The following ULBP2 variants were observed in gnomAD, a reference collection of about 807,000 sequenced individuals.
ULBP2 encodes UL16 binding protein 2, also known as UL16-binding protein 2.
ULBP2 carries 21 observed loss-of-function variants against 23.6 expected under a neutral mutation model. That is an observed-to-expected ratio of 0.89 (90% CI 0.63 to 1.28). The LOEUF is 1.28. ULBP2 is among the 50% of genes most tolerant of loss of function. The pLI is 0.00. For missense variants in ULBP2, 251 were observed against 306.0 expected (o/e 0.82, Z 1.34); for synonymous variants, 82 against 112.8 (o/e 0.73, Z 1.73).
rs1032283409 is a variant in ULBP2, at chr6:149,948,873, T to C, written c.*173T>C. 5.8e-4 allele frequency: 234 copies of C among 401,880 alleles called. No homozygotes were observed. Among genetic ancestry groups the C allele is most frequent in the African/African-American group, 4.6e-3 (223 of 48,174 alleles). The allele number at this position is 401,880 out of a possible 1,614,324, so 24.9% of individuals were successfully genotyped here. ...GGACCCAATAGCTCATTCACTGCCT[T>C]GATTCCTTTTGCCAACAATTTTACC... is the stretch of plus-strand genomic sequence containing the variant. On this transcript the variant is annotated 3_prime_UTR_variant, in exon 5 of 5. Coordinates refer to ENST00000367351, the MANE Select transcript of ULBP2 (RefSeq NM_025217.4).
Position 149,945,512 on chromosome 6 carries a change from G to A in ULBP2, c.289G>A (p.Val97Met). ...WKAQNPVLRE[V>M]VDILTEQLRD... Reference sequence around the variant, plus strand: ...AGCACAGAACCCAGTACTGAGAGAGGTGGTGGACATACTTACAGAGCAACT... The same window carrying A: ...AGCACAGAACCCAGTACTGAGAGAGATGGTGGACATACTTACAGAGCAACT... Residue 97 changes from valine (V) to methionine (M), a missense_variant, in exon 2 of 5, where the codon GTG (valine) becomes ATG (methionine). Val to Met is a conservative substitution (Grantham distance 21). Transcript: ENST00000367351. 1.9e-6 allele frequency: 3 copies of A among 1,614,058 alleles called. No homozygotes were observed. The highest frequency in any genetic ancestry group is 2.5e-6 in the Non-Finnish European group (3 of 1,179,884).
Position 149,942,190 on chromosome 6 carries a change from G to C in ULBP2, c.85+33G>C, listed in dbSNP as rs200868251. ...CGTGGATGGAGCCTAAGCCGGGCGG[G>C]GACCAAGCCTGGAGGGCTGTGAACT... On this transcript the variant is annotated intron_variant, in intron 1 of 4. Transcript: ENST00000367351. 2.5e-6 allele frequency: 4 copies of C among 1,605,572 alleles called. No individual in the cohort carries two copies. The East Asian group carries it at 9.0e-5, about 36-fold the overall frequency.
intron 3 of ULBP2, 70 bp downstream of exon 3, chr6:149,946,723 G>C: frequency 5.0e-6 from 8 of 1,594,166 alleles, no homozygotes; most frequent in Non-Finnish European, 6.8e-6. Context: ...GTTAGTTCTT[G>C]AGTTCAGCTT....
At chr6:149,945,774 C>T (rs1365444576) in intron 2 of ULBP2, among the ~76,000 whole-genome samples, 1 of 151,942 alleles carries the variant, frequency 6.6e-6, no homozygotes, top group East Asian at 1.9e-4. Context: ...AACACTGTCT[C>T]TACCAAAAAT....
In ULBP2 at chr6:149,946,478, C is replaced by T. The variant is rs1332921125; in HGVS notation, c.456C>T (p.Asp152=). The change falls in exon 3 of 5, where the codon GAC becomes GAT. Residue 152 remains aspartate (D), a synonymous_variant. Coordinates refer to ENST00000367351, the MANE Select transcript of ULBP2 (RefSeq NM_025217.4). ...SFDGQIFLLF[D]SEKRMWTTVH... Reference sequence around the variant, plus strand: ...ATGGGCAGATCTTCCTCCTCTTTGACTCAGAGAAGAGAATGTGGACAACGG... The same window carrying T: ...ATGGGCAGATCTTCCTCCTCTTTGATTCAGAGAAGAGAATGTGGACAACGG... The T allele has an allele frequency of 6.2e-7, 1 of 1,614,122 alleles. No individual in the cohort carries two copies. The highest frequency in any genetic ancestry group is 8.5e-7 in the Non-Finnish European group (1 of 1,180,040).
At chr6:149,944,079 G>T (rs1778901862) in intron 1 of ULBP2, among the ~76,000 whole-genome samples, 1 of 151,988 alleles carries the variant, frequency 6.6e-6, no homozygotes, top group Admixed American at 6.5e-5. Context: ...AGGCCACAAG[G>T]ACTCACTGTC....
rs746899733 is a variant in ULBP2 at position 149,946,594 on chromosome 6, T to C, written c.572T>C (p.Ile191Thr). The change falls in exon 3 of 5, where the codon ATA becomes ACA. Residue 191 changes from isoleucine (I) to threonine (T), a missense_variant. Around this residue, in one of 2 missense-constraint regions of ULBP2, gnomAD observed 248 missense variants for 258.9 expected, o/e 0.96. Coordinates refer to ENST00000367351, the MANE Select transcript of ULBP2 (RefSeq NM_025217.4). ...CATTACTTCTCAATGGGAGACTGTA[T>C]AGGATGGCTTGAGGACTTCTTGATG... The part of the protein sequence containing the change: ...SFHYFSMGDC[I>T]GWLEDFLMGM... 5 of 1,613,980 alleles carry C rather than the reference T, an allele frequency of 3.1e-6. No homozygotes were observed. The highest frequency in any genetic ancestry group is 1.7e-5 in the Admixed American group (1 of 60,002).
chr6:149,942,590 C>T (rs1488196832), intron 1 of ULBP2, among the ~76,000 whole-genome samples: 1 of 152,142 alleles, frequency 6.6e-6, no homozygotes, highest in Non-Finnish European at 1.5e-5. Context: ...CTCACCCGCT[C>T]TCCACCACAC....
Position 149,945,442 on chromosome 6 carries a change from T to A in ULBP2, c.219T>A (p.Pro73=), listed in dbSNP as rs1555697. The stretch of plus-strand genomic sequence containing the variant: ...ACTGTGGCAACAAGACAGTCACACC[T>A]GTCAGTCCCCTGGGGAAGAAACTAA... The part of the protein sequence containing the change: ...HYDCGNKTVT[P]VSPLGKKLNV... Residue 73 remains proline (P), a synonymous_variant, in exon 2 of 5, where the codon CCT becomes CCA. Coordinates refer to ENST00000367351, the MANE Select transcript of ULBP2 (RefSeq NM_025217.4). 4.5e-6 allele frequency: 7 copies of A among 1,545,334 alleles called. No homozygotes were observed. The East Asian group carries it at 1.6e-4, about 36-fold the overall frequency.
chr6:149,943,396 T>G (rs970397522), intron 1 of ULBP2, among the ~76,000 whole-genome samples: 18 of 152,144 alleles, frequency 1.2e-4, no homozygotes, highest in African/African-American at 4.1e-4. Flanking sequence ...TCCTTTGTGC[T>G]GAGTGGCATC....
At chr6:149,948,458 G>C (rs1289169846) in intron 4 of ULBP2, among the ~76,000 whole-genome samples, 2 of 152,094 alleles carry the variant, frequency 1.3e-5, no homozygotes, top group Non-Finnish European at 2.9e-5. Context: ...TTGAGTGAGG[G>C]CGCGGACCCA....
At position 149,946,621 on chromosome 6, in the gene ULBP2, G is replaced by T. The variant is rs375022570; in HGVS notation, c.599G>T (p.Gly200Val). The T allele has an allele frequency of 1.2e-6, 2 of 1,614,156 alleles. No individual in the cohort carries two copies. The highest frequency in any genetic ancestry group is 1.1e-5 in the South Asian group (1 of 91,082). ...CIGWLEDFLM[G>V]MDSTLEPSAG... Reference sequence around the variant, plus strand: ...GGATGGCTTGAGGACTTCTTGATGGGCATGGACAGCACCCTGGAGCCAAGT... The same window carrying T: ...GGATGGCTTGAGGACTTCTTGATGGTCATGGACAGCACCCTGGAGCCAAGT... Residue 200 changes from glycine (G) to valine (V), a missense_variant, in exon 3 of 5, where the codon GGC becomes GTC. Physicochemically the swap from Gly to Val is moderately radical, Grantham distance 109. Around this residue, in one of 2 missense-constraint regions of ULBP2, gnomAD observed 248 missense variants for 258.9 expected, o/e 0.96. Coordinates refer to ENST00000367351, the MANE Select transcript of ULBP2 (RefSeq NM_025217.4).
chr6:149,944,369 G>A (rs972842637), intron 1 of ULBP2, among the ~76,000 whole-genome samples: 11 of 151,162 alleles, frequency 7.3e-5, no homozygotes, highest in African/African-American at 2.7e-4. Flanking sequence ...TCCCCAGCTG[G>A]CATTGTGACT....
chr6:149,943,554 A>AC (rs1033377338), intron 1 of ULBP2, among the ~76,000 whole-genome samples: 1 of 152,018 alleles, frequency 6.6e-6, no homozygotes, highest in Non-Finnish European at 1.5e-5. Context: ...TCCCAGAAGA[A>AC]CCACCTGCGT....
At chr6:149,947,176 C>A (rs1473705307) in intron 3 of ULBP2, 144 bp from the exon 4 acceptor site, 2 of 1,483,268 alleles carry the variant, frequency 1.3e-6, no homozygotes, top group African/African-American at 1.4e-5. Context: ...TAAGCCAGGA[C>A]CTGTCATACT....
intron 1 of ULBP2, among the ~76,000 whole-genome samples, chr6:149,942,509 G>A (rs1778878635): frequency 6.6e-6 from 1 of 152,094 alleles, no homozygotes; most frequent in East Asian, 1.9e-4. Flanking sequence ...CTGGGGACAG[G>A]ACAGGGGTGA....
At chr6:149,948,084 C>G (rs79766123) in intron 4 of ULBP2, among the ~76,000 whole-genome samples, 1 of 138,100 alleles carries the variant, frequency 7.2e-6, no homozygotes, top group Non-Finnish European at 1.6e-5. Context: ...ATGTGCAGCT[C>G]GAGTCTGGGC....
chr6:149,945,744 CA>C lies in ULBP2; in HGVS notation c.349+173del, dbSNP rs67204145. On this transcript the variant is annotated intron_variant, in intron 2 of 4. Transcript: ENST00000367351. Reference sequence around the variant, plus strand: ...GATCACAAGGTCAGGAATTCGAGACCAGCCTGACCAACATGGTGAAACACTG... The same window carrying C: ...GATCACAAGGTCAGGAATTCGAGACCGCCTGACCAACATGGTGAAACACTG... Among the ~76,000 whole-genome samples the C allele has an allele frequency of 7.0e-3, 1,056 of 150,182 alleles. 8 individuals are homozygous for C. The highest frequency in any genetic ancestry group is 0.023 in the African/African-American group (908 of 39,736).
chr6:149,943,382 C>T (rs538489190), intron 1 of ULBP2, among the ~76,000 whole-genome samples: 26 of 152,220 alleles, frequency 1.7e-4, no homozygotes, highest in Non-Finnish European at 3.4e-4. Context: ...GGCTTATTCT[C>T]CCCTCCTTTG....
Sources: gnomAD v4.1 joint callset for allele counts (sites outside exome capture counted in the v4.1 genomes callset) on GRCh38, gnomAD v4.1.1 for gene constraint, gnomAD v4.1.1 regional missense constraint, MANE v1.5 for transcripts, NCBI Gene and HGNC (gene_info 2026-07-23, HGNC 2026-07-21) for gene names.